The following ARHGAP42 variants were observed in gnomAD, a reference collection of about 807,000 sequenced individuals.
ARHGAP42 encodes the protein rho GTPase-activating protein 42.
Under a neutral mutation model 125.0 loss-of-function variants are expected in ARHGAP42, and 63 were observed. The observed-to-expected ratio is 0.50, with a 90% CI of 0.41 to 0.62. The LOEUF (loss-of-function observed/expected upper bound fraction) is 0.62. Among genes scored for constraint, ARHGAP42 ranks in the 20% least tolerant of loss-of-function variants. The pLI is 0.00. For synonymous variants in ARHGAP42, 339 were observed against 351.0 expected, an observed-to-expected ratio of 0.97 and a Z score of 0.38; for missense variants, 766 against 1,024.2, an observed-to-expected ratio of 0.75 and a Z score of 3.44.
intron 17 of ARHGAP42, among the ~76,000 whole-genome samples, chr11:100,966,840 A>G (rs1453078284): frequency 6.6e-6 from 1 of 152,108 alleles, no homozygotes; most frequent in Non-Finnish European, 1.5e-5. Context: ...CCAGTTTTAA[A>G]CTTACTTAAG....
intron 1 of ARHGAP42, among the ~76,000 whole-genome samples, chr11:100,720,665 T>G (rs569506571): frequency 7.4e-6 from 1 of 135,656 alleles, no homozygotes; most frequent in African/African-American, 3.0e-5. Context: ...TGTATATGAC[T>G]GTATTGGTTG....
intron 12 of ARHGAP42, among the ~76,000 whole-genome samples, chr11:100,958,052 G>A (rs1006192871): frequency 6.6e-6 from 1 of 151,904 alleles, no homozygotes; most frequent in African/African-American, 2.4e-5. Context: ...TTAAATGTCA[G>A]GAACTTGCAG....
chr11:100,798,469 A>G (rs535195795), intron 3 of ARHGAP42, among the ~76,000 whole-genome samples: 1 of 152,224 alleles, frequency 6.6e-6, no homozygotes, highest in Non-Finnish European at 1.5e-5. Context: ...ACCATCAAAA[A>G]GATTATGACT....
At chr11:100,786,884 A>G (rs1863449194) in intron 2 of ARHGAP42, among the ~76,000 whole-genome samples, 1 of 152,076 alleles carries the variant, frequency 6.6e-6, no homozygotes, top group African/African-American at 2.4e-5. Flanking sequence ...CTGGAATTAT[A>G]ATTCCCCTGT....
intron 1 of ARHGAP42, among the ~76,000 whole-genome samples, chr11:100,690,116 C>T (rs1413986908): frequency 1.3e-5 from 2 of 152,142 alleles, no homozygotes; most frequent in African/African-American, 2.4e-5. Context: ...TAAGTCTGCC[C>T]ACTCCACTAA....
At chr11:100,792,227 A>G (rs1863583972) in intron 2 of ARHGAP42, among the ~76,000 whole-genome samples, 1 of 152,210 alleles carries the variant, frequency 6.6e-6, no homozygotes, top group South Asian at 2.1e-4. Context: ...TCTATGTACT[A>G]GGTATTTATT....
chr11:100,871,161 T>A (rs191982285), intron 4 of ARHGAP42, among the ~76,000 whole-genome samples: 4,305 of 152,262 alleles, frequency 0.028, 116 homozygotes, highest in African/African-American at 0.072. Flanking sequence ...GGAAACCCTC[T>A]AAAGACTATG....
At chr11:100,824,486 T>G (rs1354317461) in intron 3 of ARHGAP42, among the ~76,000 whole-genome samples, 1 of 152,132 alleles carries the variant, frequency 6.6e-6, no homozygotes, top group Non-Finnish European at 1.5e-5. Context: ...ACATACAGGT[T>G]ATTGCACTAG....
chr11:100,758,472 G>A lies in ARHGAP42; in HGVS notation c.155-11871G>A, dbSNP rs181010713. On this transcript the variant is annotated intron_variant, in intron 1 of 23. Coordinates refer to ENST00000298815, the MANE Select transcript of ARHGAP42 (RefSeq NM_152432.4). ...ATGATCAATTTACCTTTTGGAATAC[G>A]GACAGTTTGACTGTGATGATTTTTG... 6.6e-5 allele frequency among the ~76,000 whole-genome samples: 10 copies of A among 152,274 alleles called. No individual in the cohort carries two copies. In the East Asian group the frequency reaches 1.5e-3, roughly 23 times the overall value.
At chr11:100,925,102 G>C (rs1295522971) in intron 6 of ARHGAP42, among the ~76,000 whole-genome samples, 1 of 152,070 alleles carries the variant, frequency 6.6e-6, no homozygotes, top group African/African-American at 2.4e-5. Context: ...AAAGTGCTGG[G>C]ATTACAGGCG....
At chr11:100,898,645 T>G (rs1866429162) in intron 4 of ARHGAP42, among the ~76,000 whole-genome samples, 1 of 152,234 alleles carries the variant, frequency 6.6e-6, no homozygotes, top group African/African-American at 2.4e-5. Context: ...GTTTATAGTA[T>G]TCTCTGGTGG....
intron 4 of ARHGAP42, among the ~76,000 whole-genome samples, chr11:100,911,833 G>C (rs1242608702): frequency 6.6e-6 from 1 of 152,074 alleles, no homozygotes; most frequent in Non-Finnish European, 1.5e-5. Flanking sequence ...TCATTTTCCA[G>C]TTGTGTTTAT....
intron 3 of ARHGAP42, among the ~76,000 whole-genome samples, chr11:100,806,904 T>C (rs1188565681): frequency 2.7e-5 from 4 of 149,858 alleles, no homozygotes; most frequent in African/African-American, 9.8e-5. Context: ...CTGGAGTGCG[T>C]TGGCACCGTC....
chr11:100,808,119 G>A (rs181956954), intron 3 of ARHGAP42, among the ~76,000 whole-genome samples: 2 of 152,116 alleles, frequency 1.3e-5, no homozygotes, highest in East Asian at 3.9e-4. Flanking sequence ...ACCTATAAAA[G>A]ATATCCTGAA....
intron 1 of ARHGAP42, among the ~76,000 whole-genome samples, chr11:100,732,117 C>T (rs1405808710): frequency 6.6e-6 from 1 of 151,946 alleles, no homozygotes; most frequent in Non-Finnish European, 1.5e-5. Context: ...CACCACATGC[C>T]CGGCTAATTT....
chr11:100,957,510 G>GT (rs1410140521), intron 12 of ARHGAP42, among the ~76,000 whole-genome samples: 1 of 152,058 alleles, frequency 6.6e-6, no homozygotes, highest in African/African-American at 2.4e-5. Context: ...TTGGCCTTAG[G>GT]TTTTCCTGGC....
chr11:100,959,394 T>C (rs1454621606), intron 12 of ARHGAP42, among the ~76,000 whole-genome samples: 1 of 152,050 alleles, frequency 6.6e-6, no homozygotes, highest in East Asian at 1.9e-4. Flanking sequence ...AGACCCGAGT[T>C]TGAATCCTGA....
chr11:100,837,688 T>A (rs1247409895), intron 3 of ARHGAP42, among the ~76,000 whole-genome samples: 7 of 131,266 alleles, frequency 5.3e-5, no homozygotes, highest in African/African-American at 5.7e-5. Flanking sequence ...TTTTTTTTTT[T>A]TTTTTTTTTA....
chr11:100,959,774 GA>G, intron 12 of ARHGAP42, 108 bp from the exon 13 acceptor site: 1 of 1,029,568 alleles, frequency 9.7e-7, no homozygotes, highest in South Asian at 1.5e-5. Context: ...GGAAGACTCA[GA>G]AAAAACCTCT....
Sources: allele counts gnomAD v4.1 joint callset (sites outside exome capture counted in the v4.1 genomes callset), GRCh38; gene constraint gnomAD v4.1.1; transcripts MANE v1.5; gene names NCBI Gene and HGNC (gene_info 2026-07-23, HGNC 2026-07-21).